RFTN1: variants seen among roughly 807,000 people sequenced by gnomAD.
RFTN1 encodes raftlin, lipid raft linker 1, also known as raftlin.
RFTN1 carries 26 observed loss-of-function variants against 46.5 expected under a neutral mutation model. The observed-to-expected ratio is 0.56, with a 90% CI of 0.41 to 0.78. The LOEUF (loss-of-function observed/expected upper bound fraction) is 0.78, where lower values mean the gene tolerates loss of function less well. Among genes scored for constraint, RFTN1 ranks in the 30% least tolerant of loss-of-function variants. RFTN1 has a pLI of 0.00. For missense variants in RFTN1, 693 were observed against 718.7 expected (o/e 0.96, Z 0.41); for synonymous variants, 261 against 284.2 (o/e 0.92, Z 0.82).
chr3:16,455,609 C>T (rs2075892095), intron 2 of RFTN1, among the ~76,000 whole-genome samples: 1 of 152,116 alleles, frequency 6.6e-6, no homozygotes, highest in East Asian at 1.9e-4. Context: ...ATTTATGGTC[C>T]TCAAAGCCCA....
chr3:16,385,790 A>G lies in RFTN1; in HGVS notation c.442-7688T>C, dbSNP rs189054565. Reference sequence around the variant, plus strand: ...ATTTTCCTTGGCCCAGAACATCCCAATCTTCCTCAGTGTATGCCCATCAGC... The same window carrying G: ...ATTTTCCTTGGCCCAGAACATCCCAGTCTTCCTCAGTGTATGCCCATCAGC... On this transcript the variant is annotated intron_variant, in intron 4 of 9. Coordinates refer to ENST00000334133, the MANE Select transcript of RFTN1 (RefSeq NM_015150.2). This position sits in a 1 kb window ranked among gnomAD's most constrained non-coding sequence, Gnocchi z 5.0. Among the ~76,000 whole-genome samples, 7 of 152,232 alleles carry G rather than the reference A, an allele frequency of 4.6e-5. No individual in the cohort carries two copies. The highest frequency in any genetic ancestry group is 4.1e-4 in the South Asian group (2 of 4,820).
At chr3:16,487,663 T>TA (rs2076471518) in intron 2 of RFTN1, among the ~76,000 whole-genome samples, 1 of 152,212 alleles carries the variant, frequency 6.6e-6, no homozygotes, top group Non-Finnish European at 1.5e-5. Context: ...CCGGCCTCAT[T>TA]ACACAGATTG....
At position 16,327,184 on chromosome 3, in the gene RFTN1, A is replaced by G. The variant is rs1259586004; in HGVS notation, c.1147-308T>C. Among the ~76,000 whole-genome samples, 1 of 152,190 alleles carries G rather than the reference A, an allele frequency of 6.6e-6. No individual in the cohort carries two copies. The highest frequency in any genetic ancestry group is 1.5e-5 in the Non-Finnish European group (1 of 68,040). On this transcript the variant is annotated intron_variant, in intron 7 of 9. Transcript: ENST00000334133. The surrounding 1 kb of genome is among the most constrained non-coding windows in gnomAD (Gnocchi z 4.2). ...TAGCCTCCTGTGAGTTTCACTGACGAAGCATAACTGTCTCACCTCTGAGCG... is the reference window on the plus strand; with the variant it reads ...TAGCCTCCTGTGAGTTTCACTGACGGAGCATAACTGTCTCACCTCTGAGCG...
rs2346911 is a variant in RFTN1 at position 16,512,376 on chromosome 3, G to A, written c.-9+1066C>T. Among the ~76,000 whole-genome samples the A allele has an allele frequency of 0.55, 83,764 of 151,260 alleles. 24,468 individuals carry two copies. Among genetic ancestry groups the A allele is most frequent in the African/African-American group, 0.74 (30,517 of 41,108 alleles). On this transcript the variant is annotated intron_variant, in intron 1 of 9. Transcript: ENST00000334133. This position sits in a 1 kb window ranked among gnomAD's most constrained non-coding sequence, Gnocchi z 4.3. Reference sequence around the variant, plus strand: ...CTACAAGGGTTCCAGCACATGAGTTGCTGGAAACTGGGGTGACCACTGACA... The same window carrying A: ...CTACAAGGGTTCCAGCACATGAGTTACTGGAAACTGGGGTGACCACTGACA...
Position 16,507,498 on chromosome 3 carries a change from A to G in RFTN1, c.-9+5944T>C, listed in dbSNP as rs1174644445. Reference sequence around the variant, plus strand: ...TTACCCAACTTTCTGAGTAAAATCTATTACAACAGTTCCCCCAAATCTGAG... The same window carrying G: ...TTACCCAACTTTCTGAGTAAAATCTGTTACAACAGTTCCCCCAAATCTGAG... On this transcript the variant is annotated intron_variant, in intron 1 of 9. Transcript: ENST00000334133. This position sits in a 1 kb window ranked among gnomAD's most constrained non-coding sequence, Gnocchi z 7.1. 6.6e-6 allele frequency among the ~76,000 whole-genome samples: 1 copy of G among 152,138 alleles called. No homozygotes were observed. The highest frequency in any genetic ancestry group is 1.5e-5 in the Non-Finnish European group (1 of 68,024).
At chr3:16,464,458 T>C (rs989296908) in intron 2 of RFTN1, among the ~76,000 whole-genome samples, 17 of 152,268 alleles carry the variant, frequency 1.1e-4, no homozygotes, top group Non-Finnish European at 4.4e-5. Flanking sequence ...TTTGTTGTTC[T>C]TCTTGGGATC....
intron 2 of RFTN1, among the ~76,000 whole-genome samples, chr3:16,456,191 G>A (rs1429661082): frequency 6.6e-6 from 1 of 152,164 alleles, no homozygotes; most frequent in African/African-American, 2.4e-5. Context: ...TGTCAGGAAG[G>A]AGGAATGCAG....
intron 1 of RFTN1, among the ~76,000 whole-genome samples, chr3:16,508,547 G>A (rs781030453): frequency 6.6e-6 from 1 of 152,188 alleles, no homozygotes. Flanking sequence ...AGTGGCTATC[G>A]CTTGCCTGCT....
In RFTN1 at chr3:16,383,887, T is replaced by C. The variant is rs1349550081; in HGVS notation, c.442-5785A>G. On this transcript the variant is annotated intron_variant, in intron 4 of 9. Coordinates refer to ENST00000334133, the MANE Select transcript of RFTN1 (RefSeq NM_015150.2). This position sits in a 1 kb window ranked among gnomAD's most constrained non-coding sequence, Gnocchi z 4.0. ...CTTCCAAGACTGTTTTGTCTGACTC[T>C]AAGGAGGATGGTGTCACAGTTAATT... Among the ~76,000 whole-genome samples the C allele has an allele frequency of 6.6e-6, 1 of 152,224 alleles. No homozygotes were observed. The highest frequency in any genetic ancestry group is 2.4e-5 in the African/African-American group (1 of 41,472).
In RFTN1 at chr3:16,335,090, C is replaced by G. The variant is rs1465359541; in HGVS notation, c.1147-8214G>C. On this transcript the variant is annotated intron_variant, in intron 7 of 9. Transcript: ENST00000334133. The surrounding 1 kb of genome is among the most constrained non-coding windows in gnomAD (Gnocchi z 4.7). ...GCCCCTTAATACTCATTTCAGACTT[C>G]TGACTCAACAAATGTAAGACAATAA... 1.3e-5 allele frequency among the ~76,000 whole-genome samples: 2 copies of G among 152,248 alleles called. No individual in the cohort carries two copies. The highest frequency in any genetic ancestry group is 3.8e-4 in the East Asian group (2 of 5,202).
At position 16,385,021 on chromosome 3, in the gene RFTN1, AC is replaced by A. The variant is rs1301404618; in HGVS notation, c.442-6920del. On this transcript the variant is annotated intron_variant, in intron 4 of 9. Transcript: ENST00000334133. This position sits in a 1 kb window ranked among gnomAD's most constrained non-coding sequence, Gnocchi z 5.0. ...AAGACTCACATCCACATACTTATAT[AC>A]CCTAGATCAGACCACTGCCCACTCC... Among the ~76,000 whole-genome samples the A allele has an allele frequency of 6.6e-6, 1 of 152,158 alleles. No individual in the cohort carries two copies. Among genetic ancestry groups the A allele is most frequent in the Non-Finnish European group, 1.5e-5 (1 of 68,026 alleles).
intron 4 of RFTN1, among the ~76,000 whole-genome samples, chr3:16,406,710 A>T (rs1421763048): frequency 1.3e-5 from 2 of 152,260 alleles, no homozygotes; most frequent in East Asian, 3.8e-4. Context: ...GACTTTGAGC[A>T]AAATGACAAA....
chr3:16,495,356 C>G (rs2076607409), intron 1 of RFTN1, among the ~76,000 whole-genome samples: 1 of 152,240 alleles, frequency 6.6e-6, no homozygotes, highest in South Asian at 2.1e-4. Flanking sequence ...CGTAGCCCGT[C>G]AAGATGTGCA....
chr3:16,326,137 A>T (rs1266155927), intron 8 of RFTN1, among the ~76,000 whole-genome samples: 1 of 152,258 alleles, frequency 6.6e-6, no homozygotes, highest in Non-Finnish European at 1.5e-5. Context: ...AGTAAGCCCA[A>T]CATATAGATG....
chr3:16,326,325 C>T (rs914444918), intron 8 of RFTN1, among the ~76,000 whole-genome samples: 2 of 152,222 alleles, frequency 1.3e-5, no homozygotes, highest in African/African-American at 4.8e-5. Flanking sequence ...AGTCCCTCAA[C>T]CTCCCTGGCT....
intron 2 of RFTN1, among the ~76,000 whole-genome samples, chr3:16,467,341 C>T (rs774306972): frequency 1.4e-4 from 21 of 152,206 alleles, no homozygotes; most frequent in Non-Finnish European, 2.6e-4. Context: ...TATGCAGAGG[C>T]CCCTTGGCTC....
rs755253693 is a variant in RFTN1, at chr3:16,335,104, G to A, written c.1147-8228C>T. Among the ~76,000 whole-genome samples, 1 of 152,242 alleles carries A rather than the reference G, an allele frequency of 6.6e-6. No individual in the cohort carries two copies. Among genetic ancestry groups the A allele is most frequent in the Admixed American group, 6.5e-5 (1 of 15,286 alleles). On this transcript the variant is annotated intron_variant, in intron 7 of 9. Coordinates refer to ENST00000334133, the MANE Select transcript of RFTN1 (RefSeq NM_015150.2). This position sits in a 1 kb window ranked among gnomAD's most constrained non-coding sequence, Gnocchi z 4.7. The stretch of plus-strand genomic sequence containing the variant: ...ATTTCAGACTTCTGACTCAACAAAT[G>A]TAAGACAATAAACTTGCGTTGTTTT...
At position 16,348,194 on chromosome 3, in the gene RFTN1, G is replaced by C. The variant is rs1277361011; in HGVS notation, c.1146+9738C>G. ...GCTCAGGAGCAGGGCTTTGCTAAGAGGCACAAGTGCTGCCTGTTTGAGGTG... is the reference window on the plus strand; with the variant it reads ...GCTCAGGAGCAGGGCTTTGCTAAGACGCACAAGTGCTGCCTGTTTGAGGTG... On this transcript the variant is annotated intron_variant, in intron 7 of 9. Coordinates refer to ENST00000334133, the MANE Select transcript of RFTN1 (RefSeq NM_015150.2). The surrounding 1 kb of genome is among the most constrained non-coding windows in gnomAD (Gnocchi z 6.3). Among the ~76,000 whole-genome samples, 1 of 152,042 alleles carries C rather than the reference G, an allele frequency of 6.6e-6. No homozygotes were observed. The highest frequency in any genetic ancestry group is 1.5e-5 in the Non-Finnish European group (1 of 68,004).
At chr3:16,503,468 G>T (rs1026618546) in intron 1 of RFTN1, among the ~76,000 whole-genome samples, 25 of 152,268 alleles carry the variant, frequency 1.6e-4, no homozygotes, top group African/African-American at 6.0e-4. Context: ...GGTGGGGCCA[G>T]AGCACCATTA....
Sources: allele counts gnomAD v4.1 joint callset (sites outside exome capture counted in the v4.1 genomes callset), GRCh38; gene constraint gnomAD v4.1.1; non-coding constraint Gnocchi (gnomAD v3.1); transcripts MANE v1.5; gene names NCBI Gene and HGNC (gene_info 2026-07-23, HGNC 2026-07-21).